The following HYDIN variants were observed in gnomAD, a reference collection of about 807,000 sequenced individuals.
The protein encoded by HYDIN is HYDIN axonemal central pair apparatus protein.
A neutral mutation model predicts 403.9 loss-of-function variants in HYDIN; 132 were observed. That is an observed-to-expected ratio of 0.33 (90% CI 0.28 to 0.38). The LOEUF (loss-of-function observed/expected upper bound fraction) is 0.38. HYDIN is among the 10% of genes least tolerant of loss of function. HYDIN has a pLI of 1.00. For missense variants in HYDIN, 2,827 were observed against 5,009.5 expected (o/e 0.56, Z 13.15); for synonymous variants, 1,202 against 1,891.7 (o/e 0.64, Z 9.46).
chr16:70,833,341 G>T (rs1275962822), intron 79 of HYDIN, among the ~76,000 whole-genome samples: 1 of 142,318 alleles, frequency 7.0e-6, no homozygotes, highest in Non-Finnish European at 1.5e-5. Context: ...GACACATCAG[G>T]GAACATATGT....
intron 6 of HYDIN, among the ~76,000 whole-genome samples, chr16:71,154,542 A>C: frequency 1.7e-5 from 2 of 117,270 alleles, no homozygotes; most frequent in African/African-American, 3.6e-5. Context: ...AACCTTCCCC[A>C]ACTCCCCACC....
chr16:70,916,443 C>T (rs1244493043), intron 47 of HYDIN, among the ~76,000 whole-genome samples: 2 of 152,070 alleles, frequency 1.3e-5, no homozygotes, highest in Admixed American at 6.5e-5. Context: ...TATCCAGGGG[C>T]GGAGGATCTT....
chr16:70,955,286 G>A, intron 40 of HYDIN, 89 bp downstream of exon 40: 1 of 775,850 alleles, frequency 1.3e-6, no homozygotes, highest in East Asian at 2.7e-5. Flanking sequence ...GCTGTGGGAG[G>A]AGAGCTCAGT....
At chr16:71,017,249 CT>C (rs1206970256) in intron 23 of HYDIN, among the ~76,000 whole-genome samples, 1 of 150,344 alleles carries the variant, frequency 6.7e-6, no homozygotes, top group Non-Finnish European at 1.5e-5. Context: ...ACTTGGGAGG[CT>C]GAGGCAGGGG....
chr16:71,107,320 TAA>T (rs796256782), intron 10 of HYDIN, among the ~76,000 whole-genome samples: 1 of 132,208 alleles, frequency 7.6e-6, no homozygotes, highest in Non-Finnish European at 1.7e-5. Flanking sequence ...AAAATTAAAT[TAA>T]AAAAAAAAAA....
chr16:70,892,549 A>G lies in HYDIN; in HGVS notation c.9249-20T>C. ...GAAAAGCTGAAAGACAAGAATAAGAAGTCAGCCTAGGTCATTATCCCGGGA... is the reference window on the plus strand; with the variant it reads ...GAAAAGCTGAAAGACAAGAATAAGAGGTCAGCCTAGGTCATTATCCCGGGA... On this transcript the variant is annotated intron_variant, in intron 55 of 85. Transcript: ENST00000393567. 1 of 1,604,844 alleles carries G rather than the reference A, an allele frequency of 6.2e-7. No individual in the cohort carries two copies. Among genetic ancestry groups the G allele is most frequent in the South Asian group, 1.1e-5 (1 of 89,630 alleles).
rs1463905408 is a variant in HYDIN at position 71,230,510 on chromosome 16, G to T, written c.-24+52C>A. On this transcript the variant is annotated intron_variant, in intron 1 of 85. Transcript: ENST00000393567. ...ACGAAAAGAGGGGACGCCCCGGTTAGCCCCCATGTCCCTCACACTTTGACC... is the reference window on the plus strand; with the variant it reads ...ACGAAAAGAGGGGACGCCCCGGTTATCCCCCATGTCCCTCACACTTTGACC... 72 of 1,481,096 alleles carry T rather than the reference G, an allele frequency of 4.9e-5. 2 individuals carry two copies. In the Admixed American group the frequency reaches 1.6e-3, roughly 32 times the overall value. The allele number at this position is 1,481,096 out of a possible 1,614,324, so 91.7% of individuals were successfully genotyped here.
chr16:70,946,948 A>G (rs1774348), intron 41 of HYDIN, among the ~76,000 whole-genome samples: 2 of 152,154 alleles, frequency 1.3e-5, no homozygotes, highest in Admixed American at 1.3e-4. Flanking sequence ...GGCTGAGACA[A>G]TGGGGTTTTC....
At chr16:71,057,314 C>T (rs2081932357) in intron 18 of HYDIN, among the ~76,000 whole-genome samples, 1 of 150,618 alleles carries the variant, frequency 6.6e-6, no homozygotes, top group African/African-American at 2.4e-5. Context: ...TGTGTGAAAA[C>T]CTCTATTAAA....
intron 23 of HYDIN, among the ~76,000 whole-genome samples, chr16:71,010,087 TCAGA>T (rs1328768428): frequency 3.1e-5 from 4 of 129,830 alleles, no homozygotes; most frequent in African/African-American, 9.5e-5. Flanking sequence ...TCATCCTAGC[TCAGA>T]CACAGTAGGG....
intron 11 of HYDIN, among the ~76,000 whole-genome samples, chr16:71,089,342 T>A (rs1184144202): frequency 6.6e-6 from 1 of 152,082 alleles, no homozygotes; most frequent in Non-Finnish European, 1.5e-5. Flanking sequence ...TGTTGTTCTA[T>A]CCTGGCTTCC....
At chr16:70,872,389 T>A (rs2040168780) in intron 64 of HYDIN, among the ~76,000 whole-genome samples, 1 of 147,754 alleles carries the variant, frequency 6.8e-6, no homozygotes, top group African/African-American at 2.6e-5. Flanking sequence ...CATCCATCCA[T>A]CCATCCATCC....
chr16:70,834,878 G>A (rs1171876177), intron 78 of HYDIN, among the ~76,000 whole-genome samples: 2 of 148,374 alleles, frequency 1.3e-5, no homozygotes, highest in Non-Finnish European at 3.0e-5. Flanking sequence ...ATATATATGT[G>A]TGTGTGTGTG....
chr16:70,877,333 AG>A (rs2040506803), intron 62 of HYDIN, among the ~76,000 whole-genome samples: 1 of 151,886 alleles, frequency 6.6e-6, no homozygotes, highest in Admixed American at 6.6e-5. Context: ...TTTAATCCAC[AG>A]AATCAAGAAG....
At chr16:71,136,728 C>T in intron 8 of HYDIN, among the ~76,000 whole-genome samples, 1 of 143,824 alleles carries the variant, frequency 7.0e-6, no homozygotes, top group Non-Finnish European at 1.5e-5. Flanking sequence ...GATCGCGCCA[C>T]TGCACACCAG....
chr16:70,951,273 AGAGAGAGG>A (rs1194721908), intron 41 of HYDIN, among the ~76,000 whole-genome samples: 11 of 150,876 alleles, frequency 7.3e-5, no homozygotes, highest in African/African-American at 2.2e-4. Context: ...AGAGAGAGAG[AGAGAGAGG>A]GAGAGAGGGA....
intron 11 of HYDIN, among the ~76,000 whole-genome samples, chr16:71,092,781 A>T (rs1296629314): frequency 1.4e-4 from 19 of 137,904 alleles, no homozygotes; most frequent in African/African-American, 5.7e-4. Flanking sequence ...GAATTTCACC[A>T]TATTGGCCAG....
chr16:71,206,153 C>A (rs562814037), intron 1 of HYDIN, among the ~76,000 whole-genome samples: 1 of 152,314 alleles, frequency 6.6e-6, no homozygotes, highest in African/African-American at 2.4e-5. Context: ...CACCTGAACT[C>A]TGTGGGTGGA....
intron 18 of HYDIN, among the ~76,000 whole-genome samples, chr16:71,039,818 G>C (rs2081223725): frequency 6.6e-6 from 1 of 152,196 alleles, no homozygotes; most frequent in Non-Finnish European, 1.5e-5. Flanking sequence ...CAGGACCAGA[G>C]CTCGGGATCC....
Sources: gnomAD v4.1 joint callset for allele counts (sites outside exome capture counted in the v4.1 genomes callset) on GRCh38, gnomAD v4.1.1 for gene constraint, MANE v1.5 for transcripts, NCBI Gene and HGNC (gene_info 2026-07-23, HGNC 2026-07-21) for gene names.